FNBP4: variants seen among roughly 807,000 people sequenced by gnomAD.
FNBP4 encodes the protein formin-binding protein 4.
A neutral mutation model predicts 119.3 loss-of-function variants in FNBP4; 34 were observed. The observed-to-expected ratio is 0.28, with a 90% CI of 0.22 to 0.38. The LOEUF is 0.38. FNBP4 is among the 10% of genes least tolerant of loss of function. The probability of loss-of-function intolerance (pLI) is 1.00; values close to 1 mark genes in which losing one functional copy is unlikely to be tolerated. For synonymous variants in FNBP4, 462 were observed against 430.6 expected (o/e 1.07, Z -0.90); for missense variants, 1,112 against 1,228.9 (o/e 0.90, Z 1.42).
At chr11:47,756,736 A>T (rs185207110) in intron 2 of FNBP4, among the ~76,000 whole-genome samples, 55 of 135,594 alleles carry the variant, frequency 4.1e-4, no homozygotes, top group African/African-American at 1.4e-3. Flanking sequence ...GATGTTCCCC[A>T]CCCTGTGTCC....
chr11:47,724,897 A>G, intron 12 of FNBP4, 119 bp from the exon 13 acceptor site: 4 of 1,380,864 alleles, frequency 2.9e-6, no homozygotes, highest in South Asian at 1.7e-5. Flanking sequence ...ACAGTGTACA[A>G]AACAATACAG....
chr11:47,738,466 G>A (rs189174005), intron 8 of FNBP4, among the ~76,000 whole-genome samples: 111 of 152,164 alleles, frequency 7.3e-4, no homozygotes, highest in Middle Eastern at 3.4e-3. Flanking sequence ...TCAGGGGGCC[G>A]AGGCAGGAGA....
intron 1 of FNBP4, 72 bp downstream of exon 1, chr11:47,766,997 C>G: frequency 6.8e-7 from 1 of 1,466,838 alleles, no homozygotes; most frequent in Non-Finnish European, 8.9e-7. Flanking sequence ...CTCGCCGGGT[C>G]TGGCCAGGCG....
intron 15 of FNBP4, 116 bp downstream of exon 15, chr11:47,722,860 G>A: frequency 1.6e-6 from 2 of 1,214,576 alleles, no homozygotes; most frequent in Non-Finnish European, 2.2e-6. Context: ...CAAAGTGCTG[G>A]GATTACAGGC....
rs182719889 is a variant in FNBP4 at position 47,748,712 on chromosome 11, C to T, written c.906+2204G>A. Among the ~76,000 whole-genome samples, 1,486 of 151,924 alleles carry T rather than the reference C, an allele frequency of 9.8e-3. 29 individuals are homozygous for T. Among genetic ancestry groups the T allele is most frequent in the African/African-American group, 0.034 (1,417 of 41,438 alleles). ...TCACCCAGGCTGGAGTGCAGTGGTG[C>T]GGTCTCAGCTCATTGCAACCTCTGC... On this transcript the variant is annotated intron_variant, in intron 6 of 16. Transcript: ENST00000263773.
At chr11:47,753,137 A>G (rs1195179553) in intron 3 of FNBP4, 35 bp from the exon 4 acceptor site, 13 of 1,531,828 alleles carry the variant, frequency 8.5e-6, no homozygotes, top group African/African-American at 4.2e-5. Context: ...TGCAGTAATT[A>G]TATCAAAAAC....
chr11:47,728,892 G>A (rs1319605735), intron 12 of FNBP4, among the ~76,000 whole-genome samples: 3 of 131,970 alleles, frequency 2.3e-5, no homozygotes, highest in African/African-American at 2.9e-5. Flanking sequence ...TTGCTCTGTC[G>A]CCCAGGCTGG....
At chr11:47,752,445 T>A (rs904833185) in intron 4 of FNBP4, among the ~76,000 whole-genome samples, 100 of 145,378 alleles carry the variant, frequency 6.9e-4, no homozygotes, top group African/African-American at 2.3e-3. Context: ...AAAAAACAAT[T>A]AAATAAATAA....
intron 12 of FNBP4, among the ~76,000 whole-genome samples, chr11:47,728,067 G>T (rs536722408): frequency 1.3e-5 from 2 of 151,472 alleles, no homozygotes; most frequent in East Asian, 2.0e-4. Flanking sequence ...GTAGAGGCGG[G>T]GTTTCTACAT....
chr11:47,725,229 A>G (rs572335857), intron 12 of FNBP4: 1 of 153,354 alleles, frequency 6.5e-6, no homozygotes, highest in East Asian at 1.9e-4. Context: ...TCTGGAGTCT[A>G]TTTCAAAAGT....
chr11:47,729,262 A>C (rs1159186118), intron 12 of FNBP4: 2 of 985,266 alleles, frequency 2.0e-6, no homozygotes, highest in African/African-American at 1.7e-5. Flanking sequence ...TAAATCAAGA[A>C]ATTATACAAA....
At chr11:47,754,142 G>A (rs1324840927) in intron 3 of FNBP4, among the ~76,000 whole-genome samples, 3 of 151,848 alleles carry the variant, frequency 2.0e-5, no homozygotes, top group Admixed American at 1.3e-4. Context: ...CCAGGAGACA[G>A]GTTGCGGTGA....
intron 15 of FNBP4, among the ~76,000 whole-genome samples, chr11:47,721,152 T>TAG (rs1007121650): frequency 2.3e-4 from 34 of 150,272 alleles, no homozygotes; most frequent in African/African-American, 8.1e-4. Flanking sequence ...AAACCCCGTC[T>TAG]CTACTAAAAA....
chr11:47,767,105 T>C lies in FNBP4; in HGVS notation c.184A>G (p.Thr62Ala), dbSNP rs2097649257. 3.9e-6 allele frequency: 6 copies of C among 1,521,660 alleles called. No individual in the cohort carries two copies. The highest frequency in any genetic ancestry group is 5.3e-6 in the Non-Finnish European group (6 of 1,137,894). The allele number at this position is 1,521,660 out of a possible 1,614,324, so 94.3% of individuals were successfully genotyped here. A position where few individuals can be genotyped will look rare whatever the true frequency, so the allele number is the denominator to read the frequency against. The change falls in exon 1 of 17, where the codon ACT becomes GCT. Residue 62 changes from threonine to alanine, a missense_variant. Coordinates refer to ENST00000263773, the MANE Select transcript of FNBP4 (RefSeq NM_015308.5). ...GAGTCGTCCGAGGCCGCGGCGGCAGTCACCGCGGTGGTGGTGGTCGTCGCC... is the reference window on the plus strand; with the variant it reads ...GAGTCGTCCGAGGCCGCGGCGGCAGCCACCGCGGTGGTGGTGGTCGTCGCC... ...SAATTTTTAVTAAAASDDSPS... is the reference protein window; with the variant it reads ...SAATTTTTAVAAAAASDDSPS...
intron 10 of FNBP4, 58 bp downstream of exon 10, chr11:47,733,967 C>G: frequency 1.3e-6 from 1 of 798,384 alleles, no homozygotes; most frequent in East Asian, 2.7e-5. Flanking sequence ...TTAACACATA[C>G]AGCATTTCAT....
chr11:47,727,775 C>A (rs1261516626), intron 12 of FNBP4, among the ~76,000 whole-genome samples: 2 of 152,154 alleles, frequency 1.3e-5, no homozygotes, highest in African/African-American at 4.8e-5. Context: ...ACATGGATGT[C>A]GTATTACAAT....
intron 2 of FNBP4, among the ~76,000 whole-genome samples, chr11:47,757,345 G>A (rs1226156223): frequency 6.6e-6 from 1 of 152,256 alleles, no homozygotes; most frequent in African/African-American, 2.4e-5. Context: ...CTCCTGAGTA[G>A]CTGGGACTAC....
intron 2 of FNBP4, among the ~76,000 whole-genome samples, chr11:47,755,899 T>G (rs778725837): frequency 6.6e-6 from 1 of 152,206 alleles, no homozygotes; most frequent in Admixed American, 6.5e-5. Context: ...TGTTCATAGA[T>G]AGTATATCTT....
Position 47,717,287 on chromosome 11 carries a change from G to T in FNBP4, c.*135C>A. On this transcript the variant is annotated 3_prime_UTR_variant, in exon 17 of 17. Coordinates refer to ENST00000263773, the MANE Select transcript of FNBP4 (RefSeq NM_015308.5). Reference sequence around the variant, plus strand: ...TTTCACAAAAGTGAAAACTTTGTATGCATACACTCTTGCCCAGGAAATTTA... The same window carrying T: ...TTTCACAAAAGTGAAAACTTTGTATTCATACACTCTTGCCCAGGAAATTTA... 2 of 614,706 alleles carry T rather than the reference G, an allele frequency of 3.3e-6. No homozygotes were observed. The highest frequency in any genetic ancestry group is 5.6e-6 in the Non-Finnish European group (2 of 356,740). 38.1% of individuals were successfully genotyped at this position (614,706 alleles called of 1,614,324 possible). A position where few individuals can be genotyped will look rare whatever the true frequency, so the allele number is the denominator to read the frequency against.
Sources: gnomAD v4.1 joint callset for allele counts (sites outside exome capture counted in the v4.1 genomes callset) on GRCh38, gnomAD v4.1.1 for gene constraint, MANE v1.5 for transcripts, NCBI Gene and HGNC (gene_info 2026-07-23, HGNC 2026-07-21) for gene names.